Variants in PKHD1 observed in about 807,000 individuals in gnomAD.
PKHD1 encodes the protein PKHD1 ciliary IPT domain containing fibrocystin/polyductin, also known as fibrocystin.
In PKHD1, 291 loss-of-function variants were observed where a neutral mutation model predicts 412.0. That is an observed-to-expected ratio of 0.71 (90% CI 0.64 to 0.78). PKHD1 has a LOEUF of 0.78. PKHD1 is among the 30% of genes least tolerant of loss of function. PKHD1 has a pLI of 0.00. For synonymous variants in PKHD1, 1,777 were observed against 1,821.5 expected, an observed-to-expected ratio of 0.98 and a Z score of 0.62; for missense variants, 4,825 against 4,950.7, an observed-to-expected ratio of 0.97 and a Z score of 0.76.
intron 60 of PKHD1, among the ~76,000 whole-genome samples, chr6:51,718,558 G>A (rs181911772): frequency 3.4e-4 from 52 of 152,268 alleles, no homozygotes; most frequent in African/African-American, 1.3e-3. Flanking sequence ...TCAAGTTTAA[G>A]CAATCAGGAT....
At chr6:51,751,515 T>C (rs1786108216) in intron 57 of PKHD1, among the ~76,000 whole-genome samples, 1 of 152,164 alleles carries the variant, frequency 6.6e-6, no homozygotes, top group Non-Finnish European at 1.5e-5. Context: ...GAAAATTGAG[T>C]GAAAGGTATA....
At chr6:51,990,360 C>T (rs867791460) in intron 35 of PKHD1, among the ~76,000 whole-genome samples, 2 of 152,160 alleles carry the variant, frequency 1.3e-5, no homozygotes, top group African/African-American at 4.8e-5. Context: ...GATGTTGCCT[C>T]TCCCAACACT....
At chr6:51,628,106 T>C (rs1036026528) in intron 65 of PKHD1, among the ~76,000 whole-genome samples, 6 of 152,226 alleles carry the variant, frequency 3.9e-5, no homozygotes, top group African/African-American at 1.2e-4. Flanking sequence ...GTTCAGGGGG[T>C]ACATGTACAG....
chr6:51,934,366 C>T, intron 36 of PKHD1, 44 bp from the exon 37 acceptor site: 1 of 1,318,444 alleles, frequency 7.6e-7, no homozygotes, highest in South Asian at 1.2e-5. Context: ...GAGGATAAGG[C>T]TTACCGTTTT....
At chr6:52,020,094 C>A (rs983451652) in intron 33 of PKHD1, among the ~76,000 whole-genome samples, 3 of 152,134 alleles carry the variant, frequency 2.0e-5, no homozygotes, top group Non-Finnish European at 4.4e-5. Context: ...AAGAAAAAAA[C>A]TCAAAGCACG....
chr6:51,628,404 G>A (rs1010962032), intron 65 of PKHD1, among the ~76,000 whole-genome samples: 6 of 152,120 alleles, frequency 3.9e-5, no homozygotes, highest in Admixed American at 6.6e-5. Flanking sequence ...CAAAGGATGC[G>A]ATTTCATTCT....
At chr6:51,692,379 T>C (rs1778280798) in intron 60 of PKHD1, among the ~76,000 whole-genome samples, 1 of 152,088 alleles carries the variant, frequency 6.6e-6, no homozygotes, top group African/African-American at 2.4e-5. Context: ...CATCTTCCAT[T>C]CATCTCTAGT....
chr6:51,967,776 A>G (rs143409623), intron 35 of PKHD1, among the ~76,000 whole-genome samples: 3,045 of 152,250 alleles, frequency 0.02, 43 homozygotes, highest in Middle Eastern at 0.034. Flanking sequence ...CCTTTTTCAC[A>G]AGCTAACACA....
rs766719963 is a variant in PKHD1 at position 52,084,915 on chromosome 6, A to G, written c.19T>C (p.Ser7Pro). 1.2e-6 allele frequency: 2 copies of G among 1,607,476 alleles called. No individual in the cohort carries two copies. Among genetic ancestry groups the G allele is most frequent in the South Asian group, 2.2e-5 (2 of 90,948 alleles). MTAWLI[S>P]LMSIEVLLLA... ...AGTAGTACTTCAATACTCATCAGAG[A>G]GATCAGCCAGGCAGTCATTCTGTCC... Residue 7 changes from serine to proline, a missense_variant, in exon 2 of 67, where the codon TCT (serine) becomes CCT (proline). Transcript: ENST00000371117.
At chr6:51,925,409 A>C (rs1485222058) in intron 37 of PKHD1, among the ~76,000 whole-genome samples, 1 of 151,878 alleles carries the variant, frequency 6.6e-6, no homozygotes. Context: ...TGGGGTACCC[A>C]CAACTTTAGC....
chr6:52,085,504 C>T (rs1230662684), intron 1 of PKHD1, among the ~76,000 whole-genome samples: 2 of 152,120 alleles, frequency 1.3e-5, no homozygotes, highest in Non-Finnish European at 2.9e-5. Flanking sequence ...ATGCCCTCAA[C>T]TCTCTCCGTG....
At chr6:51,830,625 T>C (rs1768074556) in intron 52 of PKHD1, among the ~76,000 whole-genome samples, 1 of 152,194 alleles carries the variant, frequency 6.6e-6, no homozygotes, top group Non-Finnish European at 1.5e-5. Context: ...CCTTTCAGCA[T>C]GACAATTACT....
At chr6:51,682,271 A>C (rs1369024561) in intron 60 of PKHD1, 3 of 452,288 alleles carry the variant, frequency 6.6e-6, no homozygotes, top group Non-Finnish European at 1.3e-5. Flanking sequence ...ACATAACACA[A>C]TTTTCTCTCT....
chr6:52,083,439 C>T (rs1812327697), intron 2 of PKHD1, among the ~76,000 whole-genome samples, 184 bp from the exon 3 acceptor site: 1 of 152,230 alleles, frequency 6.6e-6, no homozygotes, highest in East Asian at 1.9e-4. Context: ...CAAGAATCTA[C>T]ATTTCTAACC....
intron 51 of PKHD1, among the ~76,000 whole-genome samples, chr6:51,832,567 A>G (rs907811152): frequency 3.3e-5 from 5 of 152,128 alleles, no homozygotes; most frequent in African/African-American, 1.2e-4. Context: ...GCCATAGGGC[A>G]TTCAGGGTAT....
chr6:51,835,809 G>C (rs566935491), intron 51 of PKHD1, among the ~76,000 whole-genome samples: 4 of 152,262 alleles, frequency 2.6e-5, no homozygotes, highest in South Asian at 4.2e-4. Flanking sequence ...CTCTGACATA[G>C]CACAAAAATG....
At chr6:51,620,769 G>T (rs1766503267) in intron 66 of PKHD1, among the ~76,000 whole-genome samples, 2 of 147,526 alleles carry the variant, frequency 1.4e-5, no homozygotes, top group Admixed American at 1.4e-4. Context: ...ATGAGAGAAA[G>T]TAATAACATT....
At chr6:51,856,900 C>G (rs1773399101) in intron 48 of PKHD1, among the ~76,000 whole-genome samples, 1 of 152,178 alleles carries the variant, frequency 6.6e-6, no homozygotes, top group African/African-American at 2.4e-5. Context: ...ATGAACAATG[C>G]ATAGATGAGA....
chr6:51,643,717 T>A (rs933648815), intron 63 of PKHD1, among the ~76,000 whole-genome samples: 1 of 152,150 alleles, frequency 6.6e-6, no homozygotes, highest in Non-Finnish European at 1.5e-5. Context: ...CCGGGATACA[T>A]GTACAGAACA....
Sources: gnomAD v4.1 joint callset for allele counts (sites outside exome capture counted in the v4.1 genomes callset) on GRCh38, gnomAD v4.1.1 for gene constraint, MANE v1.5 for transcripts, NCBI Gene and HGNC (gene_info 2026-07-23, HGNC 2026-07-21) for gene names.